Variants in ITIH5 observed in about 807,000 individuals in gnomAD.
ITIH5 encodes the protein inter-alpha-trypsin inhibitor heavy chain 5.
A neutral mutation model predicts 77.5 loss-of-function variants in ITIH5; 65 were observed. That is an observed-to-expected ratio of 0.84 (90% CI 0.69 to 1.03). ITIH5 has a LOEUF of 1.03. Ranked by LOEUF, ITIH5 falls within the 50% of genes least tolerant of loss-of-function variation. ITIH5 has a pLI of 0.00. For synonymous variants in ITIH5, 525 were observed against 494.3 expected, an observed-to-expected ratio of 1.06 and a Z score of -0.82; for missense variants, 1,208 against 1,213.1, an observed-to-expected ratio of 1.00 and a Z score of 0.06.
At chr10:7,625,773 AAAAGAAAG>A (rs199961590) in intron 5 of ITIH5, among the ~76,000 whole-genome samples, 21 of 149,682 alleles carry the variant, frequency 1.4e-4, no homozygotes, top group African/African-American at 3.7e-4. Context: ...TCAAAAAAAA[AAAAGAAAG>A]AAAGAAAGAA....
At chr10:7,582,186 A>G (rs1832579457) in intron 8 of ITIH5, among the ~76,000 whole-genome samples, 1 of 152,108 alleles carries the variant, frequency 6.6e-6, no homozygotes, top group Admixed American at 6.6e-5. Context: ...ATGTATTCTT[A>G]AATTTACTAC....
At chr10:7,565,180 C>CTA (rs569865196) in intron 13 of ITIH5, among the ~76,000 whole-genome samples, 205 of 61,370 alleles carry the variant, frequency 3.3e-3, no homozygotes, top group East Asian at 0.018. Context: ...CATACACAGG[C>CTA]TATATATATA....
rs187187896 is a variant in ITIH5 at position 7,591,956 on chromosome 10, C to T, written c.940-5887G>A. Among the ~76,000 whole-genome samples, 188 of 152,240 alleles carry T rather than the reference C, an allele frequency of 1.2e-3. 2 individuals carry two copies. The highest frequency in any genetic ancestry group is 9.7e-3 in the Admixed American group (148 of 15,286). On this transcript the variant is annotated intron_variant, in intron 7 of 13. Coordinates refer to ENST00000397146, the MANE Select transcript of ITIH5 (RefSeq NM_030569.7). ...TGCTATCTTGGCTCACTGCAACCTC[C>T]GCCTCCTGGGTTCAAGCAATTCTCC...
chr10:7,567,345 T>TATTATTATTATG (rs1832208616), intron 12 of ITIH5, among the ~76,000 whole-genome samples: 1 of 148,610 alleles, frequency 6.7e-6, no homozygotes, highest in Non-Finnish European at 1.5e-5. Flanking sequence ...TTATTATTAT[T>TATTATTATTATG]ATTATTATTA....
At chr10:7,657,293 C>T (rs913830893) in intron 1 of ITIH5, among the ~76,000 whole-genome samples, 16 of 150,776 alleles carry the variant, frequency 1.1e-4, no homozygotes, top group Admixed American at 9.2e-4. Context: ...GTGATCCGCC[C>T]GCCTCTGCCT....
chr10:7,566,972 C>G (rs980579963), intron 12 of ITIH5, among the ~76,000 whole-genome samples: 3 of 151,578 alleles, frequency 2.0e-5, no homozygotes, highest in Admixed American at 1.3e-4. Flanking sequence ...GAACTTCCCT[C>G]CTCCTTTGGG....
At chr10:7,652,368 TC>T (rs1273188316) in intron 2 of ITIH5, among the ~76,000 whole-genome samples, 2 of 151,876 alleles carry the variant, frequency 1.3e-5, no homozygotes. Context: ...TGAACTGAGC[TC>T]CAGAGGCAAG....
rs747885557 is a variant in ITIH5 at position 7,579,936 on chromosome 10, C to G, written c.1237G>C (p.Glu413Gln). 6.2e-7 allele frequency: 1 copy of G among 1,614,182 alleles called. No individual in the cohort carries two copies. Among genetic ancestry groups the G allele is most frequent in the Non-Finnish European group, 8.5e-7 (1 of 1,180,032 alleles). ...FLTDGKPTVG[E>Q]THTLKILNNT... ...TTGAGGATCTTGAGGGTGTGCGTCTCCCCGACCGTGGGCTTCCCATCCGTC... is the reference window on the plus strand; with the variant it reads ...TTGAGGATCTTGAGGGTGTGCGTCTGCCCGACCGTGGGCTTCCCATCCGTC... Residue 413 changes from glutamate to glutamine, a missense_variant, in exon 9 of 14, where the codon GAG becomes CAG. Coordinates refer to ENST00000397146, the MANE Select transcript of ITIH5 (RefSeq NM_030569.7).
chr10:7,665,306 T>C lies in ITIH5; in HGVS notation c.90+1497A>G, dbSNP rs144577276. Among the ~76,000 whole-genome samples the C allele has an allele frequency of 7.2e-5, 11 of 152,296 alleles. No individual in the cohort carries two copies. The East Asian group carries it at 2.1e-3, about 29-fold the overall frequency. ...TTTCAGTCCATCCCACACTGTCCTG[T>C]CTCCACACCCCCAAAAAAGTTTCAA... On this transcript the variant is annotated intron_variant, in intron 1 of 13. Coordinates refer to ENST00000397146, the MANE Select transcript of ITIH5 (RefSeq NM_030569.7).
intron 5 of ITIH5, among the ~76,000 whole-genome samples, chr10:7,633,216 T>C (rs1490061309): frequency 6.6e-6 from 1 of 152,246 alleles, no homozygotes; most frequent in Non-Finnish European, 1.5e-5. Flanking sequence ...TTTCACCGTA[T>C]ACCAATTTGT....
intron 5 of ITIH5, among the ~76,000 whole-genome samples, chr10:7,622,633 A>G (rs559899000): frequency 6.6e-6 from 1 of 152,248 alleles, no homozygotes; most frequent in African/African-American, 2.4e-5. Context: ...AAGGACAGAC[A>G]CATAATAAAC....
chr10:7,611,348 G>A (rs994074026), intron 7 of ITIH5, among the ~76,000 whole-genome samples: 10 of 152,202 alleles, frequency 6.6e-5, no homozygotes, highest in African/African-American at 7.2e-5. Context: ...AGAAGTGCCC[G>A]AATTATTTTA....
intron 7 of ITIH5, among the ~76,000 whole-genome samples, chr10:7,588,687 G>C (rs1832731064): frequency 6.6e-6 from 1 of 152,198 alleles, no homozygotes; most frequent in Admixed American, 6.5e-5. Flanking sequence ...AGAAAGCAAT[G>C]GAGTTGATGG....
intron 7 of ITIH5, among the ~76,000 whole-genome samples, chr10:7,610,371 C>A (rs1217330341): frequency 6.6e-6 from 1 of 152,158 alleles, no homozygotes; most frequent in African/African-American, 2.4e-5. Flanking sequence ...TGCCAATATA[C>A]CCCTTACCGA....
At chr10:7,661,934 T>C (rs1834282965) in intron 1 of ITIH5, among the ~76,000 whole-genome samples, 1 of 152,148 alleles carries the variant, frequency 6.6e-6, no homozygotes, top group Non-Finnish European at 1.5e-5. Context: ...ACTCCTGGGC[T>C]CAAGCTATCT....
chr10:7,582,143 G>A (rs1832577835), intron 8 of ITIH5, among the ~76,000 whole-genome samples: 1 of 152,144 alleles, frequency 6.6e-6, no homozygotes, highest in East Asian at 1.9e-4. Flanking sequence ...CAAAGTGCTG[G>A]GATTACTGGC....
In ITIH5 at chr10:7,576,670, G is replaced by T. The variant is rs1195216471; in HGVS notation, c.1761C>A (p.Ser587Arg). The change falls in exon 10 of 14, where the codon AGC becomes AGA. Residue 587 changes from serine (S) to arginine (R), a missense_variant. Transcript: ENST00000397146. ...WSYLTTKELLSSWLQSDDEPE... is the reference protein window; with the variant it reads ...WSYLTTKELLRSWLQSDDEPE... ...GTTCATCGTCACTTTGCAGCCAGGAGCTCAGCAGCTCCTTTGTGGTGAGGT... is the reference window on the plus strand; with the variant it reads ...GTTCATCGTCACTTTGCAGCCAGGATCTCAGCAGCTCCTTTGTGGTGAGGT... 6.2e-7 allele frequency: 1 copy of T among 1,614,188 alleles called. No individual in the cohort carries two copies. Among genetic ancestry groups the T allele is most frequent in the Admixed American group, 1.7e-5 (1 of 60,028 alleles).
At chr10:7,665,222 T>C (rs139458503) in intron 1 of ITIH5, among the ~76,000 whole-genome samples, 1 of 152,234 alleles carries the variant, frequency 6.6e-6, no homozygotes, top group African/African-American at 2.4e-5. Flanking sequence ...TGAAGCCTAC[T>C]TGAACTTGGT....
chr10:7,567,187 T>G (rs1212334310), intron 12 of ITIH5, among the ~76,000 whole-genome samples: 4 of 151,584 alleles, frequency 2.6e-5, no homozygotes, highest in African/African-American at 7.3e-5. Flanking sequence ...AGCTAAGTAT[T>G]TGTGCATCTA....
Sources: allele counts gnomAD v4.1 joint callset (sites outside exome capture counted in the v4.1 genomes callset), GRCh38; gene constraint gnomAD v4.1.1; transcripts MANE v1.5; gene names NCBI Gene and HGNC (gene_info 2026-07-23, HGNC 2026-07-21).